Variants in GARRE1 observed in about 807,000 individuals in gnomAD.
GARRE1 encodes the protein granule associated Rac and RHOG effector 1.
GARRE1 carries 49 observed loss-of-function variants against 103.2 expected under a neutral mutation model. The ratio of observed to expected loss-of-function variants is 0.47; its 90% CI spans 0.38 to 0.60. The LOEUF is 0.60. Ranked by LOEUF, GARRE1 falls within the 20% of genes least tolerant of loss-of-function variation. The probability of loss-of-function intolerance (pLI) is 0.00; values close to 1 mark genes in which losing one functional copy is unlikely to be tolerated. For missense variants in GARRE1, 1,199 were observed against 1,370.5 expected, an observed-to-expected ratio of 0.87 and a Z score of 1.98; for synonymous variants, 505 against 532.8, an observed-to-expected ratio of 0.95 and a Z score of 0.72.
chr19:34,255,149 G>T (rs887590319), intron 1 of GARRE1, among the ~76,000 whole-genome samples: 1 of 149,106 alleles, frequency 6.7e-6, no homozygotes, highest in Non-Finnish European at 1.5e-5. Context: ...CGCTTTTCCG[G>T]CCCTGCGGAG....
chr19:34,255,697 G>A (rs1286276747), intron 1 of GARRE1, among the ~76,000 whole-genome samples: 3 of 146,498 alleles, frequency 2.0e-5, no homozygotes, highest in Admixed American at 6.9e-5. Flanking sequence ...TTTAATAAGA[G>A]ACTGTTGCCC....
At chr19:34,325,718 G>C (rs368852581) in intron 3 of GARRE1, among the ~76,000 whole-genome samples, 1 of 152,154 alleles carries the variant, frequency 6.6e-6, no homozygotes, top group Admixed American at 6.5e-5. Flanking sequence ...AGCACGACCT[G>C]CCTAGACCTG....
In GARRE1 at chr19:34,354,103, G is replaced by T. The variant is rs2074256405; in HGVS notation, c.*1148G>T. Reference sequence around the variant, plus strand: ...CATATCCCACTGTATATTAATTGAGGTTACAGAAAGTTCTTTATATAAAAC... The same window carrying T: ...CATATCCCACTGTATATTAATTGAGTTTACAGAAAGTTCTTTATATAAAAC... On this transcript the variant is annotated 3_prime_UTR_variant, in exon 14 of 14. Transcript: ENST00000299505. 2 of 152,326 alleles carry T rather than the reference G, an allele frequency of 1.3e-5. No individual in the cohort carries two copies. The highest frequency in any genetic ancestry group is 2.9e-5 in the Non-Finnish European group (2 of 68,004). 9.4% of individuals were successfully genotyped at this position (152,326 alleles called of 1,614,324 possible).
intron 1 of GARRE1, among the ~76,000 whole-genome samples, chr19:34,260,035 C>T (rs1461328345): frequency 6.6e-6 from 1 of 152,212 alleles, no homozygotes; most frequent in African/African-American, 2.4e-5. Context: ...TCAATTAAGC[C>T]TCTTTCCTTT....
intron 1 of GARRE1, among the ~76,000 whole-genome samples, chr19:34,276,773 C>T (rs766331077): frequency 2.0e-5 from 3 of 152,192 alleles, no homozygotes; most frequent in African/African-American, 4.8e-5. Flanking sequence ...CGAGTTTGCG[C>T]GACAGTGCCA....
intron 1 of GARRE1, among the ~76,000 whole-genome samples, chr19:34,292,129 T>C (rs1329806357): frequency 6.6e-6 from 1 of 152,212 alleles, no homozygotes; most frequent in Non-Finnish European, 1.5e-5. Context: ...CCCAAAGTGT[T>C]GGGATTACAG....
intron 2 of GARRE1, among the ~76,000 whole-genome samples, chr19:34,313,894 A>T (rs765824620): frequency 3.6e-4 from 54 of 152,102 alleles, no homozygotes; most frequent in Non-Finnish European, 7.2e-4. Flanking sequence ...TCTGCCTCCC[A>T]GGTTCAAGCA....
chr19:34,277,457 A>G (rs2073823569), intron 1 of GARRE1, among the ~76,000 whole-genome samples: 1 of 152,144 alleles, frequency 6.6e-6, no homozygotes, highest in Non-Finnish European at 1.5e-5. Context: ...CTATGAAAAA[A>G]CACGTGAAAT....
intron 2 of GARRE1, among the ~76,000 whole-genome samples, chr19:34,308,601 T>A (rs1345892738): frequency 6.6e-6 from 1 of 152,220 alleles, no homozygotes; most frequent in Admixed American, 6.5e-5. Flanking sequence ...TGATTTACCA[T>A]CTGTCTAGCC....
intron 1 of GARRE1, among the ~76,000 whole-genome samples, chr19:34,271,315 C>G (rs969677746): frequency 2.4e-4 from 33 of 136,168 alleles, no homozygotes; most frequent in Admixed American, 1.3e-3. Context: ...GTGGCGTGAT[C>G]TTGGCTCACT....
intron 2 of GARRE1, 151 bp from the exon 3 acceptor site, chr19:34,319,756 A>T: frequency 3.0e-6 from 2 of 675,566 alleles, no homozygotes; most frequent in Non-Finnish European, 5.2e-6. Context: ...ACAAAGGCAG[A>T]TCCTTCTGAA....
At chr19:34,317,229 T>G (rs561029807) in intron 2 of GARRE1, among the ~76,000 whole-genome samples, 2 of 152,382 alleles carry the variant, frequency 1.3e-5, no homozygotes, top group East Asian at 3.9e-4. Flanking sequence ...GCCTGTTGTC[T>G]TCCCCATTAG....
intron 1 of GARRE1, among the ~76,000 whole-genome samples, chr19:34,266,858 C>A (rs939950204): frequency 1.3e-5 from 2 of 151,986 alleles, no homozygotes; most frequent in Non-Finnish European, 2.9e-5. Flanking sequence ...TTCGATTTAC[C>A]TATTTATATA....
At position 34,355,369 on chromosome 19, in the gene GARRE1, C is replaced by G. The variant is rs1180850506; in HGVS notation, c.*2414C>G. 6.6e-6 allele frequency: 1 copy of G among 152,656 alleles called. No individual in the cohort carries two copies. The highest frequency in any genetic ancestry group is 6.5e-5 in the Admixed American group (1 of 15,284). The allele number at this position is 152,656 out of a possible 1,614,324, so 9.5% of individuals were successfully genotyped here. A position where few individuals can be genotyped will look rare whatever the true frequency, so the allele number is the denominator to read the frequency against. ...GGTGCTGCGCTTGGCAGAGGGGTCT[C>G]GCCAAAGCGCATGTGTGTGCATGTG... is the stretch of plus-strand genomic sequence containing the variant. On this transcript the variant is annotated 3_prime_UTR_variant, in exon 14 of 14. Coordinates refer to ENST00000299505, the MANE Select transcript of GARRE1 (RefSeq NM_014686.5).
intron 1 of GARRE1, among the ~76,000 whole-genome samples, chr19:34,257,507 A>ACTCT (rs60349772): frequency 0.78 from 117,413 of 151,448 alleles, 46,047 homozygotes; most frequent in African/African-American, 0.82. Flanking sequence ...CTGGCTAATC[A>ACTCT]CTCTTTTTTC....
chr19:34,344,832 C>A (rs2074203335), intron 10 of GARRE1, among the ~76,000 whole-genome samples: 1 of 144,188 alleles, frequency 6.9e-6, no homozygotes. Context: ...TGCCACCACA[C>A]CCAGCTAATT....
chr19:34,320,300 G>T (rs1044098377), intron 3 of GARRE1, among the ~76,000 whole-genome samples, 184 bp downstream of exon 3: 2 of 152,270 alleles, frequency 1.3e-5, no homozygotes, highest in Admixed American at 6.5e-5. Context: ...TGCCAGGCAT[G>T]TGCCAGGCAC....
At chr19:34,268,727 G>A (rs2073767721) in intron 1 of GARRE1, among the ~76,000 whole-genome samples, 1 of 152,084 alleles carries the variant, frequency 6.6e-6, no homozygotes, top group South Asian at 2.1e-4. Context: ...TTGGGAGGTC[G>A]AGGTGGGAGG....
chr19:34,294,688 G>T (rs1317620912), intron 1 of GARRE1, among the ~76,000 whole-genome samples: 1 of 151,492 alleles, frequency 6.6e-6, no homozygotes, highest in Non-Finnish European at 1.5e-5. Context: ...CCAATTTTTT[G>T]TTGAAAACTG....
Sources: gnomAD v4.1 joint callset for allele counts (sites outside exome capture counted in the v4.1 genomes callset) on GRCh38, gnomAD v4.1.1 for gene constraint, MANE v1.5 for transcripts, NCBI Gene and HGNC (gene_info 2026-07-23, HGNC 2026-07-21) for gene names.